The following ZNF536 variants were observed in gnomAD, a reference collection of about 807,000 sequenced individuals.
ZNF536 encodes the protein zinc finger protein 536.
Under a neutral mutation model 84.5 loss-of-function variants are expected in ZNF536, and 13 were observed. The observed-to-expected ratio is 0.15, with a 90% CI of 0.10 to 0.24. ZNF536 has a LOEUF of 0.24. Among genes scored for constraint, ZNF536 ranks in the 10% least tolerant of loss-of-function variants. The pLI is 1.00. For synonymous variants in ZNF536, 811 were observed against 742.5 expected (o/e 1.09, Z -1.50); for missense variants, 1,536 against 1,747.5 (o/e 0.88, Z 2.16).
chr19:30,588,973 G>A (rs1241050856), intron 1 of ZNF536, among the ~76,000 whole-genome samples: 1 of 152,224 alleles, frequency 6.6e-6, no homozygotes, highest in African/African-American at 2.4e-5. Flanking sequence ...TGGGATGTGA[G>A]GTGTGGCCAA....
intron 3 of ZNF536, among the ~76,000 whole-genome samples, chr19:30,543,100 C>T (rs1015004710): frequency 3.9e-5 from 6 of 152,216 alleles, no homozygotes; most frequent in East Asian, 1.9e-4. Flanking sequence ...CCTGAGCCAC[C>T]ATGCCTGGCC....
intron 1 of ZNF536, among the ~76,000 whole-genome samples, chr19:30,572,970 T>A (rs949764629): frequency 6.6e-6 from 1 of 152,086 alleles, no homozygotes; most frequent in Non-Finnish European, 1.5e-5. Flanking sequence ...TTAAGCCACC[T>A]TGGAGAGAGG....
downstream of ZNF536, among the ~76,000 whole-genome samples, chr19:30,561,561 G>C (rs921439996): frequency 6.6e-6 from 1 of 152,176 alleles, no homozygotes; most frequent in Non-Finnish European, 1.5e-5. Flanking sequence ...AGCAGGGAAG[G>C]GAGACAGAGA....
chr19:30,519,665 G>A (rs1338617498), intron 2 of ZNF536, among the ~76,000 whole-genome samples: 2 of 152,224 alleles, frequency 1.3e-5, no homozygotes, highest in Non-Finnish European at 2.9e-5. Context: ...GTCAGAGGTG[G>A]CTAGTTATGT....
chr19:30,638,491 G>A (rs1381061430), intron 1 of ZNF536, among the ~76,000 whole-genome samples: 1 of 152,130 alleles, frequency 6.6e-6, no homozygotes, highest in Non-Finnish European at 1.5e-5. Context: ...AGCGTGAGAG[G>A]GGGGAAGTGC....
rs1600758561 is a variant in ZNF536, at chr19:30,445,140, C to T, written c.1578C>T (p.Leu526=). The change falls in exon 2 of 5, where the codon CTC becomes CTT. Residue 526 remains leucine (L), a synonymous_variant. Transcript: ENST00000355537. The surrounding 1 kb of genome is among the most constrained non-coding windows in gnomAD (Gnocchi z 4.5). ...DPVNSYQAWQ[L]MARGMAMEHG... ...TGAACAGCTACCAGGCTTGGCAGCT[C>T]ATGGCCAGGGGCATGGCCATGGAAC... 6.2e-7 allele frequency: 1 copy of T among 1,614,084 alleles called. No homozygotes were observed. Among genetic ancestry groups the T allele is most frequent in the South Asian group, 1.1e-5 (1 of 91,076 alleles).
chr19:30,287,291 A>T (rs779797287), intron 2 of ZNF536, among the ~76,000 whole-genome samples: 1 of 134,830 alleles, frequency 7.4e-6, no homozygotes, highest in Admixed American at 7.4e-5. Flanking sequence ...GGATGGCTGG[A>T]TGGATGAGTG....
chr19:30,231,092 G>A (rs1483487238), intron 1 of ZNF536, among the ~76,000 whole-genome samples: 1 of 151,990 alleles, frequency 6.6e-6, no homozygotes, highest in Non-Finnish European at 1.5e-5. Flanking sequence ...TTTTTAATAA[G>A]CCTTTTAAGT....
At chr19:30,634,832 CAG>C in intron 1 of ZNF536, among the ~76,000 whole-genome samples, 1 of 152,096 alleles carries the variant, frequency 6.6e-6, no homozygotes. Flanking sequence ...CAAGCAGAGC[CAG>C]AGCCATGAGT....
At chr19:30,434,910 A>ATGG (rs1491355346) in intron 1 of ZNF536, among the ~76,000 whole-genome samples, 1 of 10,684 alleles carries the variant, frequency 9.4e-5, no homozygotes, top group African/African-American at 5.1e-4. Context: ...GATGGTGATG[A>ATGG]TGCTGATGCT....
chr19:30,366,582 GTCTATCTATCTATCTATCTA>G (rs72156657), intron 3 of ZNF536, among the ~76,000 whole-genome samples: 160 of 148,138 alleles, frequency 1.1e-3, no homozygotes, highest in Non-Finnish European at 1.4e-3. Context: ...TCTATCATTT[GTCTATCTATCTATCTATCTA>G]TCTATCTATC....
chr19:30,424,040 G>T (rs1390529245), intron 1 of ZNF536, among the ~76,000 whole-genome samples: 1 of 152,210 alleles, frequency 6.6e-6, no homozygotes, highest in Non-Finnish European at 1.5e-5. Flanking sequence ...GGCTGGCCCT[G>T]CTTGCTGTGA....
chr19:30,346,111 G>A (rs971031549), intron 2 of ZNF536, among the ~76,000 whole-genome samples: 1 of 152,138 alleles, frequency 6.6e-6, no homozygotes, highest in Non-Finnish European at 1.5e-5. Context: ...GTAGGACAGT[G>A]GTTCTCAAAC....
At chr19:30,519,375 G>T (rs932801657) in intron 2 of ZNF536, among the ~76,000 whole-genome samples, 4 of 152,240 alleles carry the variant, frequency 2.6e-5, no homozygotes, top group African/African-American at 2.4e-5. Flanking sequence ...GGCAGGTGAG[G>T]CTGGGAAGAC....
chr19:30,470,203 C>A (rs1256669308), intron 2 of ZNF536, among the ~76,000 whole-genome samples: 1 of 152,108 alleles, frequency 6.6e-6, no homozygotes, highest in Non-Finnish European at 1.5e-5. Context: ...TTAGCTACAC[C>A]CTTTTTTGAG....
At chr19:30,225,694 G>GA (rs1007149578), upstream of ZNF536, among the ~76,000 whole-genome samples, 4 of 146,106 alleles carry the variant, frequency 2.7e-5, no homozygotes, top group African/African-American at 1.0e-4. Flanking sequence ...AGGTGGGGGG[G>GA]GGATCGCGGG....
chr19:30,423,068 C>T (rs2051045639), intron 1 of ZNF536, among the ~76,000 whole-genome samples: 1 of 88,116 alleles, frequency 1.1e-5, no homozygotes, highest in African/African-American at 4.7e-5. Context: ...CATCCATCCT[C>T]CCACCCACCC....
At chr19:30,410,047 T>C (rs1035628454) in intron 1 of ZNF536, among the ~76,000 whole-genome samples, 4 of 152,154 alleles carry the variant, frequency 2.6e-5, no homozygotes, top group Non-Finnish European at 5.9e-5. Flanking sequence ...AATTGTTTCT[T>C]CGAAGTATTT....
intron 1 of ZNF536, among the ~76,000 whole-genome samples, chr19:30,392,949 G>A (rs1050767505): frequency 1.3e-5 from 2 of 152,118 alleles, no homozygotes; most frequent in African/African-American, 4.8e-5. Flanking sequence ...ATACTCAATG[G>A]CATTTTGGAA....
Sources: allele counts gnomAD v4.1 joint callset (sites outside exome capture counted in the v4.1 genomes callset), GRCh38; gene constraint gnomAD v4.1.1; non-coding constraint Gnocchi (gnomAD v3.1); transcripts MANE v1.5; gene names NCBI Gene and HGNC (gene_info 2026-07-23, HGNC 2026-07-21).